The following CHSY3 variants were observed in gnomAD, a reference collection of about 807,000 sequenced individuals.
The protein encoded by CHSY3 is N-acetylgalactosaminyl-proteoglycan 3-beta-glucuronosyltransferase 3.
Under a neutral mutation model 67.2 loss-of-function variants are expected in CHSY3, and 35 were observed. The observed-to-expected ratio is 0.52, with a 90% confidence interval of 0.40 to 0.69. CHSY3 has a LOEUF of 0.69. Ranked by LOEUF, CHSY3 falls within the 30% of genes least tolerant of loss-of-function variation. The probability of loss-of-function intolerance (pLI) is 0.00; values close to 1 mark genes in which losing one functional copy is unlikely to be tolerated. For synonymous variants in CHSY3, 474 were observed against 434.7 expected (o/e 1.09, Z -1.12); for missense variants, 1,069 against 1,138.5 (o/e 0.94, Z 0.88).
At chr5:130,169,321 T>C (rs1336266887) in intron 2 of CHSY3, among the ~76,000 whole-genome samples, 28 of 152,072 alleles carry the variant, frequency 1.8e-4, no homozygotes, top group Admixed American at 1.8e-3. Context: ...TATATCTGAA[T>C]ATAGACCAAA....
chr5:130,039,626 G>A (rs1764954951), intron 2 of CHSY3, among the ~76,000 whole-genome samples: 1 of 152,114 alleles, frequency 6.6e-6, no homozygotes, highest in Admixed American at 6.6e-5. Context: ...ATTCTCCTCA[G>A]GTAGCTGGCA....
chr5:130,185,964 G>A lies in CHSY3; in HGVS notation c.*173G>A, dbSNP rs890931839. 1 of 361,298 alleles carries A rather than the reference G, an allele frequency of 2.8e-6. No individual in the cohort carries two copies. Among genetic ancestry groups the A allele is most frequent in the African/African-American group, 2.1e-5 (1 of 47,666 alleles). The allele number at this position is 361,298 out of a possible 1,614,324, so 22.4% of individuals were successfully genotyped here. ...TCCTAAGGGTGTTTGTTGACCTCAA[G>A]CAAGAAGAGTCTGCAGTTCACTGAT... is the stretch of plus-strand genomic sequence containing the variant. On this transcript the variant is annotated 3_prime_UTR_variant, in exon 3 of 3. Coordinates refer to ENST00000305031, the MANE Select transcript of CHSY3 (RefSeq NM_175856.5).
At chr5:129,919,343 A>G (rs1581365543) in intron 2 of CHSY3, among the ~76,000 whole-genome samples, 1 of 152,328 alleles carries the variant, frequency 6.6e-6, no homozygotes, top group African/African-American at 2.4e-5. Flanking sequence ...AAAACTGTTA[A>G]TATCTATAAG....
chr5:130,133,792 A>ACG (rs1561552297), intron 2 of CHSY3, among the ~76,000 whole-genome samples: 1 of 126,578 alleles, frequency 7.9e-6, no homozygotes, highest in Non-Finnish European at 1.7e-5. Flanking sequence ...AAAAAAAAAA[A>ACG]AAAGAAAAAA....
intron 2 of CHSY3, chr5:130,001,755 C>G: frequency 1.2e-6 from 1 of 837,218 alleles, no homozygotes; most frequent in Non-Finnish European, 1.4e-6. Context: ...AATTGGCATC[C>G]CTTATTCTGA....
intron 2 of CHSY3, among the ~76,000 whole-genome samples, chr5:130,182,057 G>T (rs528524085): frequency 6.6e-6 from 1 of 152,000 alleles, no homozygotes; most frequent in South Asian, 2.1e-4. Flanking sequence ...GACTCATAGG[G>T]AATATGTATG....
Position 130,114,081 on chromosome 5 carries a change from G to C in CHSY3, c.1087-70148G>C, listed in dbSNP as rs181751679. Among the ~76,000 whole-genome samples, 297 of 152,146 alleles carry C rather than the reference G, an allele frequency of 2.0e-3. 2 individuals carry two copies. The highest frequency in any genetic ancestry group is 6.8e-3 in the Middle Eastern group (2 of 294). ...TTGTGTGAAATGACTAAGCAAACAT[G>C]TTTTTATTACATTATTATTACAGGT... On this transcript the variant is annotated intron_variant, in intron 2 of 2. Coordinates refer to ENST00000305031, the MANE Select transcript of CHSY3 (RefSeq NM_175856.5).
At position 129,904,839 on chromosome 5, in the gene CHSY3, C is replaced by G; in HGVS notation, c.10C>G (p.Arg4Gly). 6.9e-7 allele frequency: 1 copy of G among 1,439,858 alleles called. No individual in the cohort carries two copies. Among genetic ancestry groups the G allele is most frequent in the African/African-American group, 1.5e-5 (1 of 68,232 alleles). The allele number at this position is 1,439,858 out of a possible 1,614,324, so 89.2% of individuals were successfully genotyped here. Residue 4 changes from arginine (R) to glycine (G), a missense_variant, in exon 1 of 3, where the codon CGC becomes GGC. By Grantham distance (125) the Arg-to-Gly change is moderately radical (BLOSUM62 -2). Transcript: ENST00000305031. ...GCCCGGGACAGCCGCGATGGCTGTG[C>G]GCTCTCGCCGCCCGTGGATGAGCGT... is the stretch of plus-strand genomic sequence containing the variant. MAV[R>G]SRRPWMSVAL... is the part of the protein sequence containing the mutation.
intron 2 of CHSY3, among the ~76,000 whole-genome samples, chr5:130,104,836 CAGTT>C (rs1303830380): frequency 6.6e-6 from 1 of 151,690 alleles, no homozygotes; most frequent in African/African-American, 2.4e-5. Context: ...AAATATCATG[CAGTT>C]TATATGACTA....
chr5:130,167,653 A>G (rs1310896150), intron 2 of CHSY3, among the ~76,000 whole-genome samples: 1 of 152,134 alleles, frequency 6.6e-6, no homozygotes, highest in South Asian at 2.1e-4. Flanking sequence ...TTCTTACTTT[A>G]CAATATATAA....
Position 130,083,421 on chromosome 5 carries a change from T to G in CHSY3, c.1087-100808T>G, listed in dbSNP as rs142256545. On this transcript the variant is annotated intron_variant, in intron 2 of 2. Transcript: ENST00000305031. ...TTAGCATTTTATGGAAATGTATGCA[T>G]AGGAAAATACACCCTACTTTTCTCC... Among the ~76,000 whole-genome samples the G allele has an allele frequency of 2.0e-3, 310 of 152,182 alleles. 4 individuals carry two copies. In the East Asian group the frequency reaches 0.022, roughly 11 times the overall value.
rs144533630 is a variant in CHSY3 at position 129,970,695 on chromosome 5, T to G, written c.1086+62335T>G. ...TTGATATTGTAGATGCAATTTTCTTTGTATAACTGCATAATTTTTCTCATA... is the reference window on the plus strand; with the variant it reads ...TTGATATTGTAGATGCAATTTTCTTGGTATAACTGCATAATTTTTCTCATA... On this transcript the variant is annotated intron_variant, in intron 2 of 2. Coordinates refer to ENST00000305031, the MANE Select transcript of CHSY3 (RefSeq NM_175856.5). 4.4e-3 allele frequency among the ~76,000 whole-genome samples: 662 copies of G among 152,014 alleles called. 8 individuals carry two copies. Among genetic ancestry groups the G allele is most frequent in the African/African-American group, 0.016 (648 of 41,526 alleles).
chr5:130,141,996 T>C (rs556977375), intron 2 of CHSY3: 1 of 174,852 alleles, frequency 5.7e-6, no homozygotes, highest in African/African-American at 2.4e-5. Flanking sequence ...AGTTAAAACA[T>C]TGAAGGACTC....
chr5:129,940,188 A>T (rs183406382), intron 2 of CHSY3, among the ~76,000 whole-genome samples: 68 of 152,282 alleles, frequency 4.5e-4, no homozygotes, highest in African/African-American at 1.6e-3. Context: ...TAAGAAATTT[A>T]AACCTATTAT....
chr5:129,956,221 A>G (rs913679885), intron 2 of CHSY3, among the ~76,000 whole-genome samples: 1 of 152,084 alleles, frequency 6.6e-6, no homozygotes, highest in Non-Finnish European at 1.5e-5. Flanking sequence ...CATTTTAATA[A>G]TAACCATTCT....
intron 2 of CHSY3, among the ~76,000 whole-genome samples, chr5:130,087,469 CA>C (rs1467795784): frequency 2.6e-5 from 4 of 151,888 alleles, no homozygotes; most frequent in African/African-American, 9.7e-5. Context: ...TAGAAAACCC[CA>C]TTGTCTCAGC....
At chr5:129,930,535 G>C (rs1028778752) in intron 2 of CHSY3, among the ~76,000 whole-genome samples, 1 of 150,114 alleles carries the variant, frequency 6.7e-6, no homozygotes, top group Non-Finnish European at 1.5e-5. Context: ...GTTTTGCCTG[G>C]AGGACTTCAT....
intron 2 of CHSY3, among the ~76,000 whole-genome samples, chr5:130,004,356 A>G (rs1175589613): frequency 1.3e-5 from 2 of 152,186 alleles, no homozygotes; most frequent in Non-Finnish European, 2.9e-5. Context: ...CAACGTTTAC[A>G]ATTTTTATAT....
chr5:130,098,117 C>A lies in CHSY3; in HGVS notation c.1087-86112C>A. Among the ~76,000 whole-genome samples, 3 of 152,228 alleles carry A rather than the reference C, an allele frequency of 2.0e-5. No homozygotes were observed. The South Asian group carries it at 6.2e-4, about 32-fold the overall frequency. ...CAAAACTATAATGCAATGTCACAATCAAGGTATTGATATTGGCACAGTCAG... is the reference window on the plus strand; with the variant it reads ...CAAAACTATAATGCAATGTCACAATAAAGGTATTGATATTGGCACAGTCAG... On this transcript the variant is annotated intron_variant, in intron 2 of 2. Coordinates refer to ENST00000305031, the MANE Select transcript of CHSY3 (RefSeq NM_175856.5).
Sources: gnomAD v4.1 joint callset for allele counts (sites outside exome capture counted in the v4.1 genomes callset) on GRCh38, gnomAD v4.1.1 for gene constraint, MANE v1.5 for transcripts, NCBI Gene and HGNC (gene_info 2026-07-23, HGNC 2026-07-21) for gene names.